ABCA13: variants seen among roughly 807,000 people sequenced by gnomAD.
ABCA13 encodes ATP-binding cassette sub-family A member 13.
Under a neutral mutation model 478.7 loss-of-function variants are expected in ABCA13, and 476 were observed. That is an observed-to-expected ratio of 0.99 (90% CI 0.92 to 1.07). ABCA13 has a LOEUF of 1.07. ABCA13 is among the 50% of genes least tolerant of loss of function. ABCA13 has a pLI of 0.00. For synonymous variants in ABCA13, 2,252 were observed against 2,158.9 expected, an observed-to-expected ratio of 1.04 and a Z score of -1.20; for missense variants, 6,060 against 5,910.6, an observed-to-expected ratio of 1.03 and a Z score of -0.83.
intron 45 of ABCA13, among the ~76,000 whole-genome samples, chr7:48,479,828 C>T (rs1050213090): frequency 2.0e-5 from 3 of 152,170 alleles, no homozygotes; most frequent in Admixed American, 6.5e-5. Context: ...AAATGCATAT[C>T]GCCCTTCTTA....
Position 48,546,763 on chromosome 7 carries a change from T to C in ABCA13, c.14354+18418T>C, listed in dbSNP as rs930045237. Among the ~76,000 whole-genome samples the C allele has an allele frequency of 2.6e-5, 4 of 151,808 alleles. No homozygotes were observed. In the East Asian group the frequency reaches 7.7e-4, roughly 29 times the overall value. On this transcript the variant is annotated intron_variant, in intron 55 of 61. Transcript: ENST00000435803. ...ATTCTAAGTATTATGTATATAATAC[T>C]TAAAAATTTATGTATAAATTACTGT...
intron 59 of ABCA13, among the ~76,000 whole-genome samples, chr7:48,632,825 T>C (rs1794274609): frequency 6.6e-6 from 1 of 152,198 alleles, no homozygotes; most frequent in Admixed American, 6.5e-5. Context: ...GATTTTCAAA[T>C]CGTGTTTTCA....
At chr7:48,292,535 G>A (rs888174590) in intron 20 of ABCA13, among the ~76,000 whole-genome samples, 15 of 152,060 alleles carry the variant, frequency 9.9e-5, no homozygotes, top group South Asian at 4.2e-4. Context: ...ATAGGTGTCC[G>A]ATTTCTAAGG....
chr7:48,308,059 G>T (rs1232719679), intron 23 of ABCA13, among the ~76,000 whole-genome samples: 2 of 152,146 alleles, frequency 1.3e-5, no homozygotes, highest in East Asian at 3.8e-4. Flanking sequence ...ACATTGCACA[G>T]CTGTACAATT....
intron 3 of ABCA13, among the ~76,000 whole-genome samples, chr7:48,216,866 TA>T (rs1028611605): frequency 6.6e-6 from 1 of 152,220 alleles, no homozygotes; most frequent in African/African-American, 2.4e-5. Flanking sequence ...ATTAACATTT[TA>T]AAAACATTGA....
intron 58 of ABCA13, among the ~76,000 whole-genome samples, chr7:48,604,800 G>T (rs1791298310): frequency 6.6e-6 from 1 of 152,084 alleles, no homozygotes; most frequent in Admixed American, 6.5e-5. Flanking sequence ...TTCTGTCTCA[G>T]TGATCTGTCT....
At chr7:48,320,950 A>G (rs948445065) in intron 27 of ABCA13, among the ~76,000 whole-genome samples, 2 of 152,204 alleles carry the variant, frequency 1.3e-5, no homozygotes, top group African/African-American at 4.8e-5. Context: ...CAGAAATAAT[A>G]TTCAGAAAAT....
At chr7:48,524,525 A>G in intron 54 of ABCA13, 85 bp downstream of exon 54, 1 of 1,298,250 alleles carries the variant, frequency 7.7e-7, no homozygotes, top group East Asian at 2.6e-5. Flanking sequence ...GTCTCAGAAT[A>G]TTTGAAATCA....
chr7:48,298,760 T>G lies in ABCA13; in HGVS notation c.9321+273T>G, dbSNP rs374683149. 8.5e-5 allele frequency among the ~76,000 whole-genome samples: 13 copies of G among 152,400 alleles called. No individual in the cohort carries two copies. The East Asian group carries it at 2.1e-3, about 25-fold the overall frequency. On this transcript the variant is annotated intron_variant, in intron 23 of 61. Coordinates refer to ENST00000435803, the MANE Select transcript of ABCA13 (RefSeq NM_152701.5). The stretch of plus-strand genomic sequence containing the variant: ...TTAGAACAAAGTTGGTGATTATTTA[T>G]TCTGTTGATTTCCAGCCCTGATGCA...
At chr7:48,312,989 C>G (rs868598569) in intron 24 of ABCA13, 78 bp from the exon 25 acceptor site, 1 of 1,394,284 alleles carries the variant, frequency 7.2e-7, no homozygotes, top group Non-Finnish European at 9.4e-7. Context: ...CAAGTTTTCA[C>G]AGCTCAAAAG....
At chr7:48,486,249 C>A (rs1829287324) in intron 47 of ABCA13, among the ~76,000 whole-genome samples, 2 of 152,154 alleles carry the variant, frequency 1.3e-5, no homozygotes, top group Admixed American at 6.5e-5. Context: ...TTAGCAGCAT[C>A]ATTCTTTGAA....
intron 59 of ABCA13, among the ~76,000 whole-genome samples, chr7:48,635,642 C>T (rs1272082676): frequency 1.3e-5 from 2 of 152,186 alleles, no homozygotes; most frequent in African/African-American, 4.8e-5. Flanking sequence ...ACCTCATGAA[C>T]ATGTAGCTGG....
chr7:48,535,224 C>G (rs1487151742), intron 55 of ABCA13, among the ~76,000 whole-genome samples: 1 of 152,190 alleles, frequency 6.6e-6, no homozygotes, highest in Admixed American at 6.5e-5. Context: ...TGCTCTTCCC[C>G]TTGCCCTAGG....
chr7:48,481,213 G>A, intron 46 of ABCA13, 59 bp downstream of exon 46: 1 of 1,342,264 alleles, frequency 7.5e-7, no homozygotes, highest in Non-Finnish European at 1.0e-6. Context: ...AAAACTTATT[G>A]TTTTAAATGC....
intron 15 of ABCA13, among the ~76,000 whole-genome samples, chr7:48,265,255 GTT>G (rs1794722582): frequency 6.6e-6 from 1 of 151,266 alleles, no homozygotes; most frequent in African/African-American, 2.4e-5. Flanking sequence ...TAAAAAAAAT[GTT>G]TTTAACTATT....
Position 48,498,710 on chromosome 7 carries a change from T to A in ABCA13, c.13292-7626T>A, listed in dbSNP as rs116746878. ...ATAAAGTACACAGGCCACAGAGATA[T>A]GCTCATATAGAATGTGGCTCAAAAA... is the stretch of plus-strand genomic sequence containing the variant. On this transcript the variant is annotated intron_variant, in intron 48 of 61. Coordinates refer to ENST00000435803, the MANE Select transcript of ABCA13 (RefSeq NM_152701.5). Among the ~76,000 whole-genome samples, 1,256 of 152,302 alleles carry A rather than the reference T, an allele frequency of 8.2e-3. 12 individuals carry two copies. The highest frequency in any genetic ancestry group is 0.028 in the African/African-American group (1,181 of 41,552).
rs796091030 is a variant in ABCA13, at chr7:48,248,029, A to T, written c.1660-210A>T. On this transcript the variant is annotated intron_variant, in intron 13 of 61. Coordinates refer to ENST00000435803, the MANE Select transcript of ABCA13 (RefSeq NM_152701.5). ...CCCATCCTACTTTATTATTGGATTA[A>T]GTTTTATTTTTGGACTTATTAACCT... 3.9e-5 allele frequency among the ~76,000 whole-genome samples: 6 copies of T among 152,302 alleles called. 1 individual carries two copies. Among genetic ancestry groups the T allele is most frequent in the African/African-American group, 1.4e-4 (6 of 41,566 alleles).
chr7:48,443,761 G>T (rs1432609709), intron 42 of ABCA13, among the ~76,000 whole-genome samples: 1 of 152,082 alleles, frequency 6.6e-6, no homozygotes, highest in African/African-American at 2.4e-5. Context: ...CGTGCCTCCG[G>T]TTCCTCCTCC....
chr7:48,401,078 C>T (rs1455902230), intron 38 of ABCA13, among the ~76,000 whole-genome samples: 1 of 152,020 alleles, frequency 6.6e-6, no homozygotes, highest in Non-Finnish European at 1.5e-5. Context: ...TGCAGTTCTT[C>T]CACTTAGAAA....
Sources: allele counts gnomAD v4.1 joint callset (sites outside exome capture counted in the v4.1 genomes callset), GRCh38; gene constraint gnomAD v4.1.1; transcripts MANE v1.5; gene names NCBI Gene and HGNC (gene_info 2026-07-23, HGNC 2026-07-21).